Variants in FRMD6 observed in about 807,000 individuals in gnomAD.
FRMD6 encodes FERM domain-containing protein 6.
In FRMD6, 37 loss-of-function variants were observed where a neutral mutation model predicts 73.2. That is an observed-to-expected ratio of 0.51 (90% CI 0.39 to 0.66). The LOEUF is 0.66. FRMD6 is among the 30% of genes least tolerant of loss of function. The pLI is 0.00. For synonymous variants in FRMD6, 273 were observed against 282.2 expected (o/e 0.97, Z 0.33); for missense variants, 714 against 780.5 (o/e 0.91, Z 1.02).
intron 1 of FRMD6, among the ~76,000 whole-genome samples, chr14:51,569,334 A>G (rs1887969214): frequency 6.6e-6 from 1 of 152,188 alleles, no homozygotes; most frequent in Non-Finnish European, 1.5e-5. Flanking sequence ...GAATGCCAAA[A>G]AAAGAAACGG....
chr14:51,704,227 AT>A (rs35746965), intron 5 of FRMD6, among the ~76,000 whole-genome samples: 1 of 152,076 alleles, frequency 6.6e-6, no homozygotes, highest in African/African-American at 2.4e-5. Context: ...TGTTAAGCAA[AT>A]TTTTTTCCAG....
At chr14:51,642,529 T>TC (rs1354558770) in intron 2 of FRMD6, among the ~76,000 whole-genome samples, 7 of 152,028 alleles carry the variant, frequency 4.6e-5, no homozygotes, top group African/African-American at 1.7e-4. Context: ...AGAGAGAAAC[T>TC]CCATCTCCTA....
At chr14:51,540,988 C>T (rs1271724685) in intron 1 of FRMD6, among the ~76,000 whole-genome samples, 1 of 152,058 alleles carries the variant, frequency 6.6e-6, no homozygotes, top group African/African-American at 2.4e-5. Flanking sequence ...AAGAAGTACC[C>T]TCTCTTAACT....
intron 2 of FRMD6, among the ~76,000 whole-genome samples, chr14:51,601,023 G>A (rs1443336051): frequency 6.6e-6 from 1 of 152,192 alleles, no homozygotes; most frequent in Non-Finnish European, 1.5e-5. Flanking sequence ...GAACATAGAG[G>A]TAAGATGTGT....
chr14:51,490,144 A>G (rs1882911267), intron 1 of FRMD6, among the ~76,000 whole-genome samples: 1 of 152,202 alleles, frequency 6.6e-6, no homozygotes, highest in South Asian at 2.1e-4. Context: ...GTAAAATATG[A>G]TGCATGTGTG....
At chr14:51,701,004 T>C (rs925617689) in intron 3 of FRMD6, 52 bp from the exon 4 acceptor site, 2 of 860,350 alleles carry the variant, frequency 2.3e-6, no homozygotes, top group African/African-American at 3.6e-5. Context: ...ATATTTTTTT[T>C]CTTTTAAAAA....
At chr14:51,596,879 C>T (rs775250797) in intron 2 of FRMD6, among the ~76,000 whole-genome samples, 8 of 152,194 alleles carry the variant, frequency 5.3e-5, no homozygotes, top group Non-Finnish European at 1.0e-4. Context: ...GACAGCACCC[C>T]GCATGTATAC....
intron 2 of FRMD6, among the ~76,000 whole-genome samples, chr14:51,695,267 A>T (rs548160749): frequency 1.8e-4 from 27 of 152,354 alleles, no homozygotes; most frequent in Non-Finnish European, 3.5e-4. Context: ...TAAGAATTTT[A>T]TGTGATAATT....
intron 1 of FRMD6, among the ~76,000 whole-genome samples, chr14:51,664,200 G>T (rs778709418): frequency 1.3e-5 from 2 of 152,220 alleles, no homozygotes; most frequent in Non-Finnish European, 2.9e-5. Context: ...AGATGGCTCA[G>T]GTTAGTGAAT....
At chr14:51,567,172 C>G (rs1049500096) in intron 1 of FRMD6, among the ~76,000 whole-genome samples, 3 of 152,168 alleles carry the variant, frequency 2.0e-5, no homozygotes, top group African/African-American at 7.2e-5. Context: ...TTTTGACAGA[C>G]TCGTCATTTT....
At chr14:51,625,368 G>T (rs1891076788) in intron 2 of FRMD6, among the ~76,000 whole-genome samples, 1 of 152,114 alleles carries the variant, frequency 6.6e-6, no homozygotes, top group Non-Finnish European at 1.5e-5. Context: ...TCAGAAAATA[G>T]ATGATGAAAC....
intron 2 of FRMD6, among the ~76,000 whole-genome samples, chr14:51,645,046 A>G (rs1892002539): frequency 6.6e-6 from 1 of 152,216 alleles, no homozygotes; most frequent in Non-Finnish European, 1.5e-5. Flanking sequence ...CTTTCCTTGA[A>G]GAACTGAAGT....
chr14:51,656,708 G>A (rs535165315), intron 1 of FRMD6, among the ~76,000 whole-genome samples: 13 of 152,258 alleles, frequency 8.5e-5, no homozygotes, highest in African/African-American at 3.1e-4. Flanking sequence ...CACCGCGCCC[G>A]GCTAGCATGG....
chr14:51,727,750 A>G lies in FRMD6; in HGVS notation c.1590A>G (p.Ile530Met), dbSNP rs754494941. The G allele has an allele frequency of 6.9e-6, 11 of 1,595,920 alleles. No individual in the cohort carries two copies. In the South Asian group the frequency reaches 8.9e-5, roughly 13 times the overall value. Reference protein sequence around the residue: ...GQSTDSLPQTICRKPKTSTDR... With the variant: ...GQSTDSLPQTMCRKPKTSTDR... ...ATCCTTCCCTTATCTTGCAGACTATATGTCGGAAACCAAAGACCTCCACTG... is the reference window on the plus strand; with the variant it reads ...ATCCTTCCCTTATCTTGCAGACTATGTGTCGGAAACCAAAGACCTCCACTG... The change falls in exon 14 of 14, where the codon ATA becomes ATG. Residue 530 changes from isoleucine to methionine, a missense_variant. Physicochemically the swap from Ile to Met is conservative, Grantham distance 10 (BLOSUM62 1). Coordinates refer to ENST00000344768, the MANE Select transcript of FRMD6 (RefSeq NM_001267046.2).
At chr14:51,525,731 A>C (rs1234482041) in intron 1 of FRMD6, among the ~76,000 whole-genome samples, 1 of 152,112 alleles carries the variant, frequency 6.6e-6, no homozygotes, top group Admixed American at 6.5e-5. Context: ...TACTACTTTC[A>C]ACTCATCTTC....
chr14:51,479,911 G>A, the FRMD6 span, among the ~76,000 whole-genome samples: 6 of 152,164 alleles, frequency 3.9e-5, no homozygotes, highest in Non-Finnish European at 5.9e-5. Flanking sequence ...TATTGACTTC[G>A]TGGGAAAGAA....
intron 1 of FRMD6, among the ~76,000 whole-genome samples, chr14:51,489,916 A>C (rs1449910746): frequency 6.6e-6 from 1 of 152,228 alleles, no homozygotes; most frequent in Non-Finnish European, 1.5e-5. Context: ...TTAAAAAGGA[A>C]GTTATTAAGA....
At chr14:51,527,805 A>G (rs1385723331) in intron 1 of FRMD6, among the ~76,000 whole-genome samples, 1 of 152,190 alleles carries the variant, frequency 6.6e-6, no homozygotes, top group African/African-American at 2.4e-5. Flanking sequence ...TGAGGCATAC[A>G]TTAACATGGC....
At chr14:51,472,404 C>T in the FRMD6 span, among the ~76,000 whole-genome samples, 1 of 152,086 alleles carries the variant, frequency 6.6e-6, no homozygotes, top group African/African-American at 2.4e-5. Flanking sequence ...CCCAGGTTCA[C>T]GCCATTCTCC....
Sources: gnomAD v4.1 joint callset for allele counts (sites outside exome capture counted in the v4.1 genomes callset) on GRCh38, gnomAD v4.1.1 for gene constraint, MANE v1.5 for transcripts, NCBI Gene and HGNC (gene_info 2026-07-23, HGNC 2026-07-21) for gene names.